The following CSNK2A2IP variants were observed in gnomAD, a reference collection of about 807,000 sequenced individuals.
CSNK2A2IP encodes casein kinase 2 subunit alpha' interacting protein, also known as casein kinase II subunit alpha'-interacting protein.
the CSNK2A2IP span, among the ~76,000 whole-genome samples, chr3:88,371,059 T>G: frequency 2.0e-5 from 3 of 151,396 alleles, no homozygotes; most frequent in Non-Finnish European, 4.4e-5. Context: ...TTTATGTTGT[T>G]TAAACCAACC....
the CSNK2A2IP span, among the ~76,000 whole-genome samples, chr3:88,380,370 C>T: frequency 6.6e-6 from 1 of 151,742 alleles, no homozygotes; most frequent in Non-Finnish European, 1.5e-5. Flanking sequence ...CAGATTATAT[C>T]AATAAATATT....
chr3:88,423,590 A>G, the CSNK2A2IP span, among the ~76,000 whole-genome samples: 1 of 152,132 alleles, frequency 6.6e-6, no homozygotes, highest in South Asian at 2.1e-4. Context: ...GAGGAATTTG[A>G]GGCACTAATA....
the CSNK2A2IP span, among the ~76,000 whole-genome samples, chr3:88,444,063 G>C: frequency 6.6e-6 from 1 of 151,776 alleles, no homozygotes; most frequent in East Asian, 1.9e-4. Flanking sequence ...AATATTGCAT[G>C]GCTGTCTTTT....
At chr3:88,431,782 G>T in the CSNK2A2IP span, among the ~76,000 whole-genome samples, 2 of 152,070 alleles carry the variant, frequency 1.3e-5, no homozygotes, top group African/African-American at 4.8e-5. Context: ...TTCTGGAAAA[G>T]ATAAAGTTGT....
chr3:88,353,045 T>C, the CSNK2A2IP span, among the ~76,000 whole-genome samples: 3 of 152,182 alleles, frequency 2.0e-5, no homozygotes, highest in East Asian at 5.8e-4. Context: ...TCTAAAAAAA[T>C]AAGGGCAAAC....
chr3:88,339,272 T>TC, the CSNK2A2IP span, among the ~76,000 whole-genome samples: 1 of 151,976 alleles, frequency 6.6e-6, no homozygotes, highest in Admixed American at 6.6e-5. Context: ...AGTTCATTTT[T>TC]TTTTTAGCTC....
chr3:88,434,001 G>T, the CSNK2A2IP span, among the ~76,000 whole-genome samples: 2 of 152,052 alleles, frequency 1.3e-5, no homozygotes, highest in African/African-American at 4.8e-5. Context: ...TGTTATTTTT[G>T]AGTCATTTTT....
chr3:88,362,346 G>A, the CSNK2A2IP span, among the ~76,000 whole-genome samples: 1 of 152,188 alleles, frequency 6.6e-6, no homozygotes, highest in African/African-American at 2.4e-5. Context: ...CAGCAATGCT[G>A]TGATTCTTGC....
At chr3:88,440,827 A>T in the CSNK2A2IP span, among the ~76,000 whole-genome samples, 1 of 152,166 alleles carries the variant, frequency 6.6e-6, no homozygotes, top group Non-Finnish European at 1.5e-5. Flanking sequence ...TAGCATTTTA[A>T]TACATTCATC....
the CSNK2A2IP span, among the ~76,000 whole-genome samples, chr3:88,369,760 C>T: frequency 2.6e-5 from 4 of 151,766 alleles, no homozygotes; most frequent in Admixed American, 6.6e-5. Flanking sequence ...AGTACATTCC[C>T]TGGCCACACA....
chr3:88,383,188 C>T, the CSNK2A2IP span, among the ~76,000 whole-genome samples: 1 of 152,192 alleles, frequency 6.6e-6, no homozygotes, highest in African/African-American at 2.4e-5. Context: ...TTTTCTGGGC[C>T]TACCCCTTAA....
the CSNK2A2IP span, among the ~76,000 whole-genome samples, chr3:88,429,742 T>G: frequency 0.81 from 123,182 of 151,818 alleles, 50,652 homozygotes; most frequent in Non-Finnish European, 0.88. Flanking sequence ...GAGCATTTTT[T>G]TTGTTGTTGT....
At chr3:88,365,940 G>A in the CSNK2A2IP span, among the ~76,000 whole-genome samples, 5 of 151,922 alleles carry the variant, frequency 3.3e-5, no homozygotes, top group African/African-American at 1.2e-4. Context: ...CTCTTTTAAG[G>A]GGGTTATTAT....
chr3:88,463,755 G>A, the CSNK2A2IP span, among the ~76,000 whole-genome samples: 9,395 of 152,092 alleles, frequency 0.062, 477 homozygotes, highest in East Asian at 0.21. Flanking sequence ...GATTCCTCAG[G>A]GATCTAGAAC....
At chr3:88,396,332 C>G in the CSNK2A2IP span, among the ~76,000 whole-genome samples, 1 of 151,912 alleles carries the variant, frequency 6.6e-6, no homozygotes, top group Non-Finnish European at 1.5e-5. Flanking sequence ...GTCTCGATCT[C>G]CTGACCTCGT....
At chr3:88,381,810 G>A in the CSNK2A2IP span, among the ~76,000 whole-genome samples, 1 of 152,316 alleles carries the variant, frequency 6.6e-6, no homozygotes, top group African/African-American at 2.4e-5. Flanking sequence ...CTGTTTGGAA[G>A]TGATGGATAT....
chr3:88,355,738 A>G, the CSNK2A2IP span, among the ~76,000 whole-genome samples: 2 of 152,258 alleles, frequency 1.3e-5, no homozygotes, highest in African/African-American at 4.8e-5. Context: ...GTTAGAGAAC[A>G]TACTTTTTAT....
At chr3:88,407,712 C>CTATTTATTTATT in the CSNK2A2IP span, among the ~76,000 whole-genome samples, 11 of 150,176 alleles carry the variant, frequency 7.3e-5, no homozygotes, top group South Asian at 2.1e-4. Flanking sequence ...AGTGTGCAAT[C>CTATTTATTTATT]TATTTATTTA....
At chr3:88,392,513 G>T in the CSNK2A2IP span, among the ~76,000 whole-genome samples, 2 of 152,150 alleles carry the variant, frequency 1.3e-5, no homozygotes, top group Non-Finnish European at 2.9e-5. Context: ...TAGTCAAAAA[G>T]CTAAGAGAAT....
Sources: gnomAD v4.1 joint callset for allele counts (sites outside exome capture counted in the v4.1 genomes callset) on GRCh38, gnomAD v4.1.1 for gene constraint, MANE v1.5 for transcripts, NCBI Gene and HGNC (gene_info 2026-07-23, HGNC 2026-07-21) for gene names.